The following PAK3 variants were observed in gnomAD, a reference collection of about 807,000 sequenced individuals.
PAK3 encodes p21 (RAC1) activated kinase 3.
Under a neutral mutation model 41.0 loss-of-function variants are expected in PAK3, and 4 were observed. The observed-to-expected ratio is 0.10, with a 90% CI of 0.05 to 0.22. The LOEUF (loss-of-function observed/expected upper bound fraction) is 0.22. Among genes scored for constraint, PAK3 ranks in the 10% least tolerant of loss-of-function variants. The pLI, the probability that PAK3 is intolerant of heterozygous loss-of-function variation, is 1.00. For missense variants in PAK3, 205 were observed against 409.9 expected (o/e 0.50, Z 4.32); for synonymous variants, 146 against 139.6 (o/e 1.05, Z -0.32).
At chrX:110,965,909 G>A (rs980755763) in intron 1 of PAK3, among the ~76,000 whole-genome samples, 7 of 111,517 alleles carry the variant, frequency 6.3e-5, no homozygotes, top group African/African-American at 2.0e-4. Flanking sequence ...TTCGCCCAAC[G>A]TCACAAATCT....
intron 3 of PAK3, among the ~76,000 whole-genome samples, 151 bp from the exon 4 acceptor site, chrX:111,103,008 A>AGT (rs1332048395): frequency 6.5e-4 from 72 of 110,242 alleles, no homozygotes; most frequent in African/African-American, 2.4e-3. Context: ...AGAGAGAGAG[A>AGT]GAGTGTGTGT....
upstream of PAK3, among the ~76,000 whole-genome samples, chrX:111,093,861 A>G (rs1350092006): frequency 2.7e-5 from 3 of 112,500 alleles, no homozygotes; most frequent in Non-Finnish European, 3.8e-5. Flanking sequence ...CCTTCTCATT[A>G]CAAGTTAAAT....
chrX:111,130,001 G>T (rs890346692), intron 5 of PAK3, among the ~76,000 whole-genome samples: 1 of 111,937 alleles, frequency 8.9e-6, no homozygotes, highest in African/African-American at 3.2e-5. Flanking sequence ...GATCAGAAGT[G>T]TCTAGTTAGG....
chrX:110,975,627 A>G (rs2091312637), intron 1 of PAK3, among the ~76,000 whole-genome samples: 1 of 112,001 alleles, frequency 8.9e-6, no homozygotes, highest in Admixed American at 9.5e-5. Context: ...TTCATATGGA[A>G]CCAAAAGAGA....
At chrX:111,090,731 A>C (rs944671092) in intron 1 of PAK3, among the ~76,000 whole-genome samples, 2 of 112,181 alleles carry the variant, frequency 1.8e-5, no homozygotes, top group Non-Finnish European at 3.8e-5. Context: ...ATCACAGGTG[A>C]GCTGGAAAAA....
intron 1 of PAK3, among the ~76,000 whole-genome samples, chrX:111,024,034 A>G (rs149990743): frequency 0.015 from 1,686 of 111,981 alleles, 31 homozygotes; most frequent in African/African-American, 0.052. Context: ...TAGGTCTTAC[A>G]TTTAAGTCTT....
At chrX:111,212,480 T>A (rs2094832530) in intron 16 of PAK3, among the ~76,000 whole-genome samples, 1 of 111,310 alleles carries the variant, frequency 9.0e-6, no homozygotes, top group African/African-American at 3.3e-5. Context: ...GACCTCAGAG[T>A]ACATTTTCCC....
intron 1 of PAK3, among the ~76,000 whole-genome samples, chrX:111,065,052 T>A (rs1260436389): frequency 1.8e-5 from 2 of 112,327 alleles, no homozygotes; most frequent in Non-Finnish European, 3.8e-5. Flanking sequence ...TTTTATTTCT[T>A]TCTCTTGCCT....
rs769431051 is a variant in PAK3 at position 111,006,801 on chromosome X, A to T, written c.-28+62173A>T. On this transcript the variant is annotated intron_variant, in intron 1 of 14. Transcript: ENST00000425146. ...GGAAAGTCTGTAGTGGGACCTGAGAATCTGCATTTCCCTTTCTTTCTTTCT... is the reference window on the plus strand; with the variant it reads ...GGAAAGTCTGTAGTGGGACCTGAGATTCTGCATTTCCCTTTCTTTCTTTCT... Among the ~76,000 whole-genome samples the T allele has an allele frequency of 4.3e-5, 4 of 91,960 alleles. No individual in the cohort carries two copies. In the East Asian group the frequency reaches 1.5e-3, roughly 35 times the overall value. 79.9% of individuals were successfully genotyped at this position (91,960 alleles called of 115,157 possible).
At chrX:111,193,542 G>A (rs1330138922) in intron 13 of PAK3, among the ~76,000 whole-genome samples, 1 of 108,737 alleles carries the variant, frequency 9.2e-6, no homozygotes, top group Admixed American at 9.9e-5. Flanking sequence ...TAGAGACGGG[G>A]TTTCGCCATG....
intron 1 of PAK3, among the ~76,000 whole-genome samples, chrX:111,027,010 T>C (rs1374287227): frequency 9.0e-6 from 1 of 111,029 alleles, no homozygotes; most frequent in Non-Finnish European, 1.9e-5. Context: ...AGCCAAACAC[T>C]TAGAGCCAAC....
At chrX:111,008,202 G>A (rs2091961223) in intron 1 of PAK3, among the ~76,000 whole-genome samples, 1 of 112,257 alleles carries the variant, frequency 8.9e-6, no homozygotes, top group African/African-American at 3.2e-5. Flanking sequence ...GAGTTGCTTT[G>A]TTTTACCTCT....
chrX:111,084,437 A>G (rs1209064605), intron 1 of PAK3, among the ~76,000 whole-genome samples: 3 of 112,825 alleles, frequency 2.7e-5, no homozygotes, highest in Non-Finnish European at 5.6e-5. Flanking sequence ...AATGAAACAA[A>G]ATAAGCACAG....
chrX:111,170,190 G>A (rs1389171302), intron 10 of PAK3, among the ~76,000 whole-genome samples: 1 of 111,323 alleles, frequency 9.0e-6, no homozygotes, highest in African/African-American at 3.3e-5. Flanking sequence ...ACAACTGCAC[G>A]TGGTAAGTGA....
At chrX:111,181,610 A>T (rs142923916) in intron 11 of PAK3, among the ~76,000 whole-genome samples, 1 of 111,762 alleles carries the variant, frequency 8.9e-6, no homozygotes, top group Non-Finnish European at 1.9e-5. Context: ...TGAAAGTCTC[A>T]TATTGAAGAT....
chrX:111,158,301 G>A (rs1212846250), intron 8 of PAK3, among the ~76,000 whole-genome samples: 3 of 111,987 alleles, frequency 2.7e-5, no homozygotes, highest in Admixed American at 1.9e-4. Context: ...TTGGTTCACG[G>A]TATCTTCTAG....
intron 5 of PAK3, among the ~76,000 whole-genome samples, chrX:111,125,992 C>A (rs2093643176): frequency 1.8e-5 from 2 of 111,699 alleles, no homozygotes; most frequent in South Asian, 7.5e-4. Flanking sequence ...CACTTAAATT[C>A]ACTTGCTTGA....
chrX:111,212,715 A>G (rs1234149795), intron 16 of PAK3, among the ~76,000 whole-genome samples: 1 of 112,443 alleles, frequency 8.9e-6, no homozygotes, highest in African/African-American at 3.2e-5. Flanking sequence ...AGGAAGACAA[A>G]GAGAAATAGA....
At chrX:111,074,871 C>G (rs1425904895) in intron 1 of PAK3, among the ~76,000 whole-genome samples, 1 of 111,748 alleles carries the variant, frequency 8.9e-6, no homozygotes, top group East Asian at 2.8e-4. Flanking sequence ...GAGTAAAGAT[C>G]ATTCGTATTA....
Sources: allele counts gnomAD v4.1 joint callset (sites outside exome capture counted in the v4.1 genomes callset), GRCh38; gene constraint gnomAD v4.1.1; transcripts MANE v1.5; gene names NCBI Gene and HGNC (gene_info 2026-07-23, HGNC 2026-07-21).